Variants in RAB27A observed in about 807,000 individuals in gnomAD.
The protein encoded by RAB27A is ras-related protein Rab-27A.
RAB27A carries 17 observed loss-of-function variants against 20.8 expected under a neutral mutation model. The observed-to-expected ratio is 0.82, with a 90% CI of 0.56 to 1.23. RAB27A has a LOEUF of 1.23. Ranked by LOEUF, RAB27A falls within the 50% of genes most tolerant of loss-of-function variation. The pLI is 0.00. For missense variants in RAB27A, 277 were observed against 266.7 expected, an observed-to-expected ratio of 1.04 and a Z score of -0.27; for synonymous variants, 85 against 92.8, an observed-to-expected ratio of 0.92 and a Z score of 0.48.
intron 1 of RAB27A, among the ~76,000 whole-genome samples, chr15:55,318,712 A>C (rs1345007619): frequency 9.5e-6 from 1 of 105,584 alleles, no homozygotes; most frequent in Non-Finnish European, 1.7e-5. Flanking sequence ...AAAAAAAAAA[A>C]CAAAAACAAA....
intron 2 of RAB27A, among the ~76,000 whole-genome samples, chr15:55,264,725 A>G (rs1457371314): frequency 6.6e-6 from 1 of 152,230 alleles, no homozygotes; most frequent in Non-Finnish European, 1.5e-5. Context: ...ATCCAAAGAT[A>G]TACTAGTAAA....
intron 2 of RAB27A, among the ~76,000 whole-genome samples, chr15:55,254,711 T>C (rs1386145726): frequency 6.6e-6 from 1 of 152,218 alleles, no homozygotes; most frequent in African/African-American, 2.4e-5. Flanking sequence ...GTTTGGCTTC[T>C]ACTATTAAGA....
chr15:55,267,138 G>A lies in RAB27A; in HGVS notation c.-23+3027C>T, dbSNP rs145794327. On this transcript the variant is annotated intron_variant, in intron 2 of 6. Coordinates refer to ENST00000336787, the MANE Select transcript of RAB27A (RefSeq NM_183235.3). Reference sequence around the variant, plus strand: ...ACTTGAAGTGGTCTGGGCCTTCTCCGTGTGAAAATGGCAAATCCATTCACT... The same window carrying A: ...ACTTGAAGTGGTCTGGGCCTTCTCCATGTGAAAATGGCAAATCCATTCACT... 9.2e-5 allele frequency among the ~76,000 whole-genome samples: 14 copies of A among 152,268 alleles called. No homozygotes were observed. The East Asian group carries it at 2.3e-3, about 25-fold the overall frequency.
At chr15:55,265,658 G>A (rs1219852747) in intron 2 of RAB27A, among the ~76,000 whole-genome samples, 2 of 152,138 alleles carry the variant, frequency 1.3e-5, no homozygotes, top group African/African-American at 4.8e-5. Flanking sequence ...AAAAGACCAG[G>A]TTTCGAACCG....
rs896150562 is a variant in RAB27A at position 55,251,322 on chromosome 15, A to T, written c.-22-16366T>A. Among the ~76,000 whole-genome samples, 7 of 152,310 alleles carry T rather than the reference A, an allele frequency of 4.6e-5. No homozygotes were observed. The East Asian group carries it at 7.7e-4, about 17-fold the overall frequency. ...GACCATAGGAAGAGTCTTGAGAACAACCATCATTGCGTCATTCCTGGGGAA... is the reference window on the plus strand; with the variant it reads ...GACCATAGGAAGAGTCTTGAGAACATCCATCATTGCGTCATTCCTGGGGAA... On this transcript the variant is annotated intron_variant, in intron 2 of 6. Coordinates refer to ENST00000336787, the MANE Select transcript of RAB27A (RefSeq NM_183235.3).
chr15:55,310,604 G>C (rs1388596404), intron 2 of RAB27A, among the ~76,000 whole-genome samples: 1 of 152,150 alleles, frequency 6.6e-6, no homozygotes, highest in Non-Finnish European at 1.5e-5. Flanking sequence ...CCCTTTTCCA[G>C]AGCCTCCAAA....
chr15:55,250,997 A>T (rs1896868830), intron 2 of RAB27A, among the ~76,000 whole-genome samples: 1 of 152,250 alleles, frequency 6.6e-6, no homozygotes, highest in African/African-American at 2.4e-5. Context: ...ACAAGGACAT[A>T]AGAAGAATCT....
In RAB27A at chr15:55,259,990, G is replaced by A. The variant is rs550272227; in HGVS notation, c.-23+10175C>T. 3 of 152,250 alleles carry A rather than the reference G, an allele frequency of 2.0e-5. No individual in the cohort carries two copies. In the South Asian group the frequency reaches 6.2e-4, roughly 32 times the overall value. 9.4% of individuals were successfully genotyped at this position (152,250 alleles called of 1,614,324 possible). A position where few individuals can be genotyped will look rare whatever the true frequency, so the allele number is the denominator to read the frequency against. On this transcript the variant is annotated intron_variant, in intron 2 of 6. Transcript: ENST00000336787. The stretch of plus-strand genomic sequence containing the variant: ...AAAAACCATATGGGGATTCTTATTG[G>A]AATTGCATTGCATTGCATTGGGATC...
chr15:55,234,723 C>G lies in RAB27A; in HGVS notation c.153+59G>C, dbSNP rs1896180622. The G allele has an allele frequency of 9.8e-6, 15 of 1,534,500 alleles. 1 individual carries two copies. The South Asian group carries it at 1.7e-4, about 17-fold the overall frequency. On this transcript the variant is annotated intron_variant, in intron 3 of 6. Transcript: ENST00000336787. ...CCTAATTCCTACAAAGTAAACTAAA[C>G]AGACCAGCAAATGTTGACTTAACGA...
chr15:55,206,251 T>G (rs571896178), intron 6 of RAB27A: 5 of 663,478 alleles, frequency 7.5e-6, no homozygotes, highest in Non-Finnish European at 9.3e-6. Context: ...ATATATATAT[T>G]TTGGCAATAC....
intron 2 of RAB27A, among the ~76,000 whole-genome samples, chr15:55,253,197 C>T (rs550726328): frequency 2.0e-5 from 3 of 150,782 alleles, no homozygotes; most frequent in Non-Finnish European, 2.9e-5. Context: ...CCTATAATCC[C>T]AGCACTTTGG....
chr15:55,287,514 G>C (rs1223439197), intron 1 of RAB27A, among the ~76,000 whole-genome samples: 1 of 152,176 alleles, frequency 6.6e-6, no homozygotes, highest in African/African-American at 2.4e-5. Context: ...TTGGGAGGCT[G>C]AGGCAGACAG....
At chr15:55,301,129 T>C (rs2054969885) in intron 2 of RAB27A, among the ~76,000 whole-genome samples, 1 of 152,096 alleles carries the variant, frequency 6.6e-6, no homozygotes, top group African/African-American at 2.4e-5. Flanking sequence ...AAAGGATGAA[T>C]GCAGCTTTGG....
chr15:55,275,936 A>AAC (rs1555399598), intron 1 of RAB27A, among the ~76,000 whole-genome samples: 7 of 150,966 alleles, frequency 4.6e-5, no homozygotes, highest in African/African-American at 1.7e-4. Flanking sequence ...AAAAAAAAAA[A>AAC]AAAACAAGAG....
chr15:55,206,661 C>T (rs1390330730), intron 6 of RAB27A, among the ~76,000 whole-genome samples: 1 of 152,082 alleles, frequency 6.6e-6, no homozygotes, highest in Non-Finnish European at 1.5e-5. Context: ...GAATTTAAAA[C>T]TTGATTATTG....
At position 55,254,922 on chromosome 15, in the gene RAB27A, C is replaced by A. The variant is rs144064098; in HGVS notation, c.-23+15243G>T. ...GAGTTGGAAACACAATTTAGTTGTC[C>A]AAGTATTAGAACTTTTAAAGCATCT... On this transcript the variant is annotated intron_variant, in intron 2 of 6. Coordinates refer to ENST00000336787, the MANE Select transcript of RAB27A (RefSeq NM_183235.3). Among the ~76,000 whole-genome samples, 144 of 152,202 alleles carry A rather than the reference C, an allele frequency of 9.5e-4. 1 individual carries two copies. The highest frequency in any genetic ancestry group is 3.4e-3 in the Middle Eastern group (1 of 294).
At position 55,234,924 on chromosome 15, in the gene RAB27A, C is replaced by A. The variant is rs539575657; in HGVS notation, c.11G>T (p.Gly4Val). The A allele has an allele frequency of 1.3e-5, 21 of 1,612,076 alleles. No homozygotes were observed. In the East Asian group the frequency reaches 2.2e-4, roughly 17 times the overall value. Residue 4 changes from glycine to valine, a missense_variant, in exon 3 of 7, where the codon GGA (glycine) becomes GTA (valine). Physicochemically the swap from Gly to Val is moderately radical, Grantham distance 109. Coordinates refer to ENST00000336787, the MANE Select transcript of RAB27A (RefSeq NM_183235.3). ...AAACTTGATGAGGTAATCATAATCT[C>A]CATCAGACATAATGAAGAACTCAGT... MSD[G>V]DYDYLIKFLA... is the part of the protein sequence containing the mutation.
rs1216541391 is a variant in RAB27A, at chr15:55,209,840, G to GTATATATACATATA, written c.468-4136_468-4135insTATATGTATATATA. Among the ~76,000 whole-genome samples the GTATATATACATATA allele has an allele frequency of 2.9e-3, 300 of 101,758 alleles. 21 individuals are homozygous for GTATATATACATATA. Among genetic ancestry groups the GTATATATACATATA allele is most frequent in the Middle Eastern group, 5.1e-3 (1 of 198 alleles). 66.8% of individuals were successfully genotyped at this position (101,758 alleles called of 152,430 possible). ...TGTGTGTATATATACATATATGTGT[G>GTATATATACATATA]TACACATATATGTGTGTATATACAT... On this transcript the variant is annotated intron_variant, in intron 6 of 6. Coordinates refer to ENST00000336787, the MANE Select transcript of RAB27A (RefSeq NM_183235.3).
At chr15:55,231,930 A>G (rs1206856483) in intron 3 of RAB27A, among the ~76,000 whole-genome samples, 13 of 152,174 alleles carry the variant, frequency 8.5e-5, no homozygotes, top group African/African-American at 3.1e-4. Flanking sequence ...AATTTAAAGA[A>G]AAAAATAGGA....
Sources: allele counts gnomAD v4.1 joint callset (sites outside exome capture counted in the v4.1 genomes callset), GRCh38; gene constraint gnomAD v4.1.1; transcripts MANE v1.5; gene names NCBI Gene and HGNC (gene_info 2026-07-23, HGNC 2026-07-21).